The following CNTNAP2 variants were observed in gnomAD, a reference collection of about 807,000 sequenced individuals.
The protein encoded by CNTNAP2 is contactin-associated protein-like 2.
CNTNAP2 carries 98 observed loss-of-function variants against 155.2 expected under a neutral mutation model. The ratio of observed to expected loss-of-function variants is 0.63; its 90% CI spans 0.54 to 0.75. The LOEUF is 0.75. CNTNAP2 is among the 30% of genes least tolerant of loss of function. CNTNAP2 has a pLI of 0.00. For missense variants in CNTNAP2, 1,727 were observed against 1,688.1 expected (o/e 1.02, Z -0.40); for synonymous variants, 651 against 631.2 (o/e 1.03, Z -0.47).
chr7:146,404,476 G>A (rs1795762333), intron 1 of CNTNAP2, among the ~76,000 whole-genome samples: 1 of 152,160 alleles, frequency 6.6e-6, no homozygotes, highest in African/African-American at 2.4e-5. Flanking sequence ...TTCTCCCTTA[G>A]ACTACTGTAA....
intron 3 of CNTNAP2, among the ~76,000 whole-genome samples, chr7:146,903,882 TAAAAA>T (rs1796059554): frequency 6.6e-6 from 1 of 152,164 alleles, no homozygotes; most frequent in Non-Finnish European, 1.5e-5. Flanking sequence ...TTCACCCCAT[TAAAAA>T]AGATAAATTG....
chr7:148,129,131 C>T (rs1053730999), intron 16 of CNTNAP2, among the ~76,000 whole-genome samples: 30 of 152,172 alleles, frequency 2.0e-4, no homozygotes, highest in Admixed American at 1.9e-3. Context: ...TCAACTTCTG[C>T]TTTGGAAACC....
At chr7:147,499,626 A>AC (rs1562968213) in intron 11 of CNTNAP2, among the ~76,000 whole-genome samples, 1 of 152,180 alleles carries the variant, frequency 6.6e-6, no homozygotes, top group African/African-American at 2.4e-5. Flanking sequence ...GTCTGCAACC[A>AC]CCCCAATTTC....
At chr7:147,599,619 A>G (rs954317030) in intron 12 of CNTNAP2, among the ~76,000 whole-genome samples, 4 of 152,090 alleles carry the variant, frequency 2.6e-5, no homozygotes, top group African/African-American at 9.7e-5. Flanking sequence ...GTTTCTGGGG[A>G]AAAAAATCTT....
chr7:147,307,349 C>A (rs1795049315), intron 9 of CNTNAP2, among the ~76,000 whole-genome samples: 2 of 152,212 alleles, frequency 1.3e-5, no homozygotes, highest in East Asian at 1.9e-4. Flanking sequence ...CTTTGGGAGG[C>A]CGAGGCGGGC....
intron 9 of CNTNAP2, among the ~76,000 whole-genome samples, chr7:147,312,106 C>G (rs1193951437): frequency 6.6e-6 from 1 of 151,984 alleles, no homozygotes; most frequent in Non-Finnish European, 1.5e-5. Flanking sequence ...GGTTTACTCA[C>G]GTAGTAATTA....
chr7:147,571,395 T>C (rs1031794270), intron 12 of CNTNAP2, among the ~76,000 whole-genome samples: 1 of 151,490 alleles, frequency 6.6e-6, no homozygotes, highest in Non-Finnish European at 1.5e-5. Flanking sequence ...AAGTATTTTC[T>C]CTAATATAAT....
rs116192466 is a variant in CNTNAP2, at chr7:147,577,809, C to T, written c.1897+15552C>T. On this transcript the variant is annotated intron_variant, in intron 12 of 23. Coordinates refer to ENST00000361727, the MANE Select transcript of CNTNAP2 (RefSeq NM_014141.6). ...ACCATGCAAGAAAGGCTCACCCCCT[C>T]TGGATAGAGAATTCTCTCTTGGTAT... Among the ~76,000 whole-genome samples, 988 of 152,148 alleles carry T rather than the reference C, an allele frequency of 6.5e-3. 11 individuals carry two copies. Among genetic ancestry groups the T allele is most frequent in the African/African-American group, 0.023 (946 of 41,550 alleles).
chr7:146,621,479 A>G (rs1222871797), intron 1 of CNTNAP2, among the ~76,000 whole-genome samples: 1 of 152,132 alleles, frequency 6.6e-6, no homozygotes, highest in African/African-American at 2.4e-5. Context: ...TCTCTTGGCT[A>G]TGACTGTTTC....
chr7:148,390,920 A>G (rs957118957), intron 22 of CNTNAP2, among the ~76,000 whole-genome samples: 9 of 152,344 alleles, frequency 5.9e-5, no homozygotes, highest in Middle Eastern at 3.4e-3. Context: ...TTTGTAGTGC[A>G]GTCTCTGGCT....
At chr7:148,051,632 A>G (rs1182100470) in intron 15 of CNTNAP2, among the ~76,000 whole-genome samples, 1 of 152,242 alleles carries the variant, frequency 6.6e-6, no homozygotes. Flanking sequence ...CCTGCAGTGT[A>G]AAACTCTGAA....
At chr7:147,141,033 C>A (rs1448353881) in intron 8 of CNTNAP2, among the ~76,000 whole-genome samples, 1 of 152,128 alleles carries the variant, frequency 6.6e-6, no homozygotes, top group Non-Finnish European at 1.5e-5. Context: ...CTATACCTGT[C>A]ACTGTGCTAA....
chr7:148,205,958 G>T (rs1201092138), intron 18 of CNTNAP2, among the ~76,000 whole-genome samples: 1 of 151,224 alleles, frequency 6.6e-6, no homozygotes, highest in Admixed American at 6.6e-5. Context: ...TCTCTTCCTG[G>T]TAAGGCACGC....
intron 1 of CNTNAP2, among the ~76,000 whole-genome samples, chr7:146,258,055 C>T (rs1430568252): frequency 1.3e-5 from 2 of 151,964 alleles, no homozygotes; most frequent in Non-Finnish European, 2.9e-5. Flanking sequence ...CATTGCCTGA[C>T]TAATTTTTGT....
chr7:146,642,875 G>C (rs188938757), intron 1 of CNTNAP2, among the ~76,000 whole-genome samples: 2 of 151,752 alleles, frequency 1.3e-5, no homozygotes, highest in African/African-American at 2.4e-5. Flanking sequence ...ATGGTATCTC[G>C]TTGTGGTTTT....
intron 1 of CNTNAP2, among the ~76,000 whole-genome samples, chr7:146,568,896 G>A (rs1798397740): frequency 6.6e-6 from 1 of 151,938 alleles, no homozygotes; most frequent in African/African-American, 2.4e-5. Flanking sequence ...ATCCCAAGGT[G>A]TGACTGTTTG....
At chr7:147,667,239 G>C (rs935602768) in intron 13 of CNTNAP2, among the ~76,000 whole-genome samples, 1 of 152,192 alleles carries the variant, frequency 6.6e-6, no homozygotes, top group Non-Finnish European at 1.5e-5. Context: ...CAGTTGATTA[G>C]TGATAAGTTG....
intron 5 of CNTNAP2, among the ~76,000 whole-genome samples, chr7:147,114,490 G>C (rs1800945356): frequency 6.6e-6 from 1 of 152,150 alleles, no homozygotes; most frequent in African/African-American, 2.4e-5. Flanking sequence ...GAATCTGGGT[G>C]CTCCTGTACT....
intron 1 of CNTNAP2, among the ~76,000 whole-genome samples, chr7:146,379,560 A>G (rs1465061632): frequency 6.6e-6 from 1 of 152,202 alleles, no homozygotes; most frequent in Non-Finnish European, 1.5e-5. Flanking sequence ...GGAATTTGGC[A>G]ATAGGTAACG....
Sources: gnomAD v4.1 joint callset for allele counts (sites outside exome capture counted in the v4.1 genomes callset) on GRCh38, gnomAD v4.1.1 for gene constraint, MANE v1.5 for transcripts, NCBI Gene and HGNC (gene_info 2026-07-23, HGNC 2026-07-21) for gene names.